Variants in LRRK1 observed in about 807,000 individuals in gnomAD.
The protein encoded by LRRK1 is leucine rich repeat kinase 1, also known as leucine-rich repeat serine/threonine-protein kinase 1.
LRRK1 carries 113 observed loss-of-function variants against 209.1 expected under a neutral mutation model. The ratio of observed to expected loss-of-function variants is 0.54; its 90% CI spans 0.46 to 0.63. The LOEUF (loss-of-function observed/expected upper bound fraction) is 0.63, where lower values mean the gene tolerates loss of function less well. Among genes scored for constraint, LRRK1 ranks in the 30% least tolerant of loss-of-function variants. The probability of loss-of-function intolerance (pLI) is 0.00; values close to 1 mark genes in which losing one functional copy is unlikely to be tolerated. For missense variants in LRRK1, 2,284 were observed against 2,632.2 expected (o/e 0.87, Z 2.89); for synonymous variants, 1,144 against 1,099.7 (o/e 1.04, Z -0.80).
At chr15:100,951,955 G>GA (rs550237148) in intron 2 of LRRK1, among the ~76,000 whole-genome samples, 1,703 of 135,178 alleles carry the variant, frequency 0.013, 39 homozygotes, top group African/African-American at 0.039. Flanking sequence ...CTCCATCTCA[G>GA]AAAAAAAAAA....
intron 2 of LRRK1, among the ~76,000 whole-genome samples, chr15:100,972,563 A>C (rs2030990867): frequency 6.6e-6 from 1 of 152,070 alleles, no homozygotes; most frequent in African/African-American, 2.4e-5. Context: ...GCTAGTTTTA[A>C]AGTCGTTTTA....
chr15:100,920,065 T>G (rs1205310307), intron 1 of LRRK1: 1 of 152,428 alleles, frequency 6.6e-6, no homozygotes, highest in Admixed American at 6.5e-5. Flanking sequence ...AACTGCTCTG[T>G]CTACCATGGT....
At chr15:100,945,167 C>A (rs569003626) in intron 2 of LRRK1, among the ~76,000 whole-genome samples, 1 of 152,314 alleles carries the variant, frequency 6.6e-6, no homozygotes, top group South Asian at 2.1e-4. Context: ...CTCATCTATA[C>A]AACACATTCC....
At position 101,021,963 on chromosome 15, in the gene LRRK1, G is replaced by T. The variant is rs1218215544; in HGVS notation, c.1852+6G>T. ...TGCAGAAATCCAAAAAGAAGGTAGG[G>T]CTTCCGCAGCCCTGTCCCCTGCCAT... On this transcript the variant is annotated splice_donor_region_variant and intron_variant, in intron 14 of 33. Transcript: ENST00000388948. 1 of 1,592,478 alleles carries T rather than the reference G, an allele frequency of 6.3e-7. No homozygotes were observed. The highest frequency in any genetic ancestry group is 1.7e-5 in the Admixed American group (1 of 59,940).
chr15:100,931,350 C>T (rs1047414928), intron 2 of LRRK1, among the ~76,000 whole-genome samples: 5 of 152,080 alleles, frequency 3.3e-5, no homozygotes, highest in African/African-American at 1.2e-4. Flanking sequence ...TCAGGAGAAC[C>T]GAGAACAAAA....
Position 100,991,544 on chromosome 15 carries a change from G to C in LRRK1, c.762+2146G>C, listed in dbSNP as rs189963684. On this transcript the variant is annotated intron_variant, in intron 6 of 33. Transcript: ENST00000388948. ...CCTGATGTTACTGGTATGGAGAAAA[G>C]TTATTTTGTTTATTTCTGTTTTATC... is the stretch of plus-strand genomic sequence containing the variant. Among the ~76,000 whole-genome samples the C allele has an allele frequency of 2.5e-4, 38 of 152,092 alleles. No individual in the cohort carries two copies. In the East Asian group the frequency reaches 7.1e-3, roughly 29 times the overall value.
chr15:101,030,897 C>T (rs2034251076), intron 20 of LRRK1, among the ~76,000 whole-genome samples: 1 of 152,108 alleles, frequency 6.6e-6, no homozygotes, highest in African/African-American at 2.4e-5. Context: ...TGTCTTTTAT[C>T]CCTCGCCCAC....
chr15:101,038,055 A>G (rs1252272461), intron 20 of LRRK1, among the ~76,000 whole-genome samples: 2 of 152,268 alleles, frequency 1.3e-5, no homozygotes, highest in Admixed American at 6.5e-5. Context: ...AAGGAATAAA[A>G]TAATGGCATC....
chr15:101,008,634 G>A (rs1308920447), intron 6 of LRRK1, among the ~76,000 whole-genome samples: 1 of 152,226 alleles, frequency 6.6e-6, no homozygotes, highest in Non-Finnish European at 1.5e-5. Flanking sequence ...GTGAGACGCA[G>A]GTGCCGATGG....
At chr15:101,041,720 C>T (rs1035987215) in intron 20 of LRRK1, among the ~76,000 whole-genome samples, 1 of 152,216 alleles carries the variant, frequency 6.6e-6, no homozygotes, top group African/African-American at 2.4e-5. Flanking sequence ...CCCTTATCCA[C>T]AGCTGGTGGA....
At chr15:101,036,390 C>G (rs752260754) in intron 20 of LRRK1, among the ~76,000 whole-genome samples, 3 of 152,008 alleles carry the variant, frequency 2.0e-5, no homozygotes, top group Non-Finnish European at 4.4e-5. Context: ...ATTGTTGAAG[C>G]TTTTGAATGT....
intron 2 of LRRK1, among the ~76,000 whole-genome samples, chr15:100,938,394 CA>C (rs2042341849): frequency 6.6e-6 from 1 of 151,996 alleles, no homozygotes; most frequent in East Asian, 1.9e-4. Flanking sequence ...GGATAATTAG[CA>C]TATCTATCAC....
chr15:101,060,776 GC>G (rs143606928), intron 29 of LRRK1, among the ~76,000 whole-genome samples: 3 of 152,084 alleles, frequency 2.0e-5, no homozygotes, highest in African/African-American at 4.8e-5. Context: ...CATTTTGAGT[GC>G]CCCCCCGCCC....
chr15:100,937,521 T>C (rs1272337129), intron 2 of LRRK1, among the ~76,000 whole-genome samples: 1 of 144,034 alleles, frequency 6.9e-6, no homozygotes, highest in African/African-American at 2.8e-5. Context: ...GTTTATTTAT[T>C]TATTTATTAT....
chr15:101,001,991 G>A (rs772379028), intron 6 of LRRK1, among the ~76,000 whole-genome samples: 4 of 152,204 alleles, frequency 2.6e-5, no homozygotes, highest in Non-Finnish European at 4.4e-5. Flanking sequence ...GTGTGCATAT[G>A]TCACAGGGGC....
chr15:101,061,667 C>G (rs1417028363), intron 30 of LRRK1, among the ~76,000 whole-genome samples: 2 of 152,172 alleles, frequency 1.3e-5, no homozygotes, highest in Non-Finnish European at 2.9e-5. Flanking sequence ...CACTAGAAGG[C>G]CCAAGGAGGG....
intron 3 of LRRK1, 106 bp from the exon 4 acceptor site, chr15:100,983,422 C>A: frequency 9.1e-7 from 1 of 1,093,500 alleles, no homozygotes; most frequent in Non-Finnish European, 1.3e-6. Flanking sequence ...TTCTGGACAA[C>A]ACAACTCCAG....
intron 6 of LRRK1, among the ~76,000 whole-genome samples, chr15:101,001,793 G>A (rs1246661708): frequency 6.6e-6 from 1 of 152,164 alleles, no homozygotes; most frequent in Non-Finnish European, 1.5e-5. Flanking sequence ...ACGGTTTCTA[G>A]GGGGGAAGAT....
At chr15:100,929,791 G>A (rs1013282586) in intron 2 of LRRK1, among the ~76,000 whole-genome samples, 6 of 152,214 alleles carry the variant, frequency 3.9e-5, no homozygotes, top group Non-Finnish European at 8.8e-5. Context: ...CCTGGCTGCA[G>A]GAGTTCACCA....
Sources: gnomAD v4.1 joint callset for allele counts (sites outside exome capture counted in the v4.1 genomes callset) on GRCh38, gnomAD v4.1.1 for gene constraint, MANE v1.5 for transcripts, NCBI Gene and HGNC (gene_info 2026-07-23, HGNC 2026-07-21) for gene names.